Variants in GPD2 observed in about 807,000 individuals in gnomAD.
The protein encoded by GPD2 is glycerol-3-phosphate dehydrogenase 2, also known as glycerol-3-phosphate dehydrogenase, mitochondrial.
GPD2 carries 54 observed loss-of-function variants against 82.4 expected under a neutral mutation model. That is an observed-to-expected ratio of 0.66 (90% CI 0.53 to 0.82). GPD2 has a LOEUF of 0.82. Ranked by LOEUF, GPD2 falls within the 40% of genes least tolerant of loss-of-function variation. The pLI is 0.00. For missense variants in GPD2, 748 were observed against 896.2 expected, an observed-to-expected ratio of 0.83 and a Z score of 2.11; for synonymous variants, 288 against 306.1, an observed-to-expected ratio of 0.94 and a Z score of 0.62.
chr2:156,569,565 A>G, intron 11 of GPD2, 27 bp downstream of exon 11: 4 of 1,550,340 alleles, frequency 2.6e-6, no homozygotes, highest in Non-Finnish European at 3.6e-6. Context: ...ACATCATCTT[A>G]CTCTTTACCT....
intron 6 of GPD2, among the ~76,000 whole-genome samples, chr2:156,541,825 T>TG (rs1553475235): frequency 1.6e-4 from 1 of 6,076 alleles, no homozygotes; most frequent in Non-Finnish European, 4.4e-4. Flanking sequence ...ATGCTGTTTG[T>TG]TTTTTTTTTT....
intron 6 of GPD2, among the ~76,000 whole-genome samples, chr2:156,532,849 A>G (rs1347305872): frequency 1.3e-5 from 2 of 152,228 alleles, no homozygotes; most frequent in Non-Finnish European, 2.9e-5. Context: ...TGATTTGTCT[A>G]GTATTGGACA....
intron 1 of GPD2, among the ~76,000 whole-genome samples, chr2:156,446,714 C>T (rs1682382237): frequency 6.6e-6 from 1 of 151,962 alleles, no homozygotes. Context: ...CAGGTACGTG[C>T]CACCATGCCT....
intron 6 of GPD2, among the ~76,000 whole-genome samples, chr2:156,545,174 C>T (rs967165202): frequency 6.6e-6 from 1 of 152,052 alleles, no homozygotes; most frequent in African/African-American, 2.4e-5. Context: ...CCTGTTTTGC[C>T]CTGCCTTTAC....
rs1688177984 is a variant in GPD2 at position 156,585,384 on chromosome 2, G to A, written c.*2466G>A. 1 of 152,282 alleles carries A rather than the reference G, an allele frequency of 6.6e-6. No individual in the cohort carries two copies. Among genetic ancestry groups the A allele is most frequent in the Non-Finnish European group, 1.5e-5 (1 of 67,914 alleles). The allele number at this position is 152,282 out of a possible 1,614,324, so 9.4% of individuals were successfully genotyped here. A position where few individuals can be genotyped will look rare whatever the true frequency, so the allele number is the denominator to read the frequency against. On this transcript the variant is annotated 3_prime_UTR_variant, in exon 17 of 17. Coordinates refer to ENST00000438166, the MANE Select transcript of GPD2 (RefSeq NM_000408.5). Reference sequence around the variant, plus strand: ...TATTATCAAGTGATTTATTTCAAGAGCCTTTGAGGGGATTCAGGTGAAGGA... The same window carrying A: ...TATTATCAAGTGATTTATTTCAAGAACCTTTGAGGGGATTCAGGTGAAGGA...
At chr2:156,498,589 A>G (rs1684471518) in intron 3 of GPD2, among the ~76,000 whole-genome samples, 1 of 152,164 alleles carries the variant, frequency 6.6e-6, no homozygotes, top group Non-Finnish European at 1.5e-5. Context: ...AGAAGAGTGG[A>G]AAGGCAGGGC....
At chr2:156,579,551 C>T (rs531842706) in intron 15 of GPD2, 139 bp from the exon 16 acceptor site, 54 of 624,230 alleles carry the variant, frequency 8.7e-5, no homozygotes, top group African/African-American at 7.7e-4. Flanking sequence ...AGGCTGGTCT[C>T]GAACTCCTGA....
intron 9 of GPD2, among the ~76,000 whole-genome samples, chr2:156,565,037 A>C (rs1687331525): frequency 6.6e-6 from 1 of 152,110 alleles, no homozygotes; most frequent in Non-Finnish European, 1.5e-5. Flanking sequence ...TTCAGACAAT[A>C]CAATTTCATA....
intron 1 of GPD2, among the ~76,000 whole-genome samples, chr2:156,443,728 G>C (rs1469089453): frequency 6.6e-6 from 1 of 152,134 alleles, no homozygotes; most frequent in Non-Finnish European, 1.5e-5. Flanking sequence ...CTACAAATAA[G>C]GAGGCCACTT....
intron 2 of GPD2, among the ~76,000 whole-genome samples, chr2:156,486,901 C>T (rs1340846593): frequency 6.6e-6 from 1 of 152,270 alleles, no homozygotes; most frequent in South Asian, 2.1e-4. Context: ...AAGCTTGGAA[C>T]CGGCTGGTTG....
chr2:156,462,877 C>T (rs190245374), intron 1 of GPD2, among the ~76,000 whole-genome samples: 3 of 152,260 alleles, frequency 2.0e-5, no homozygotes, highest in South Asian at 2.1e-4. Flanking sequence ...GTAACAATGA[C>T]GAGTTAATGG....
intron 12 of GPD2, 140 bp downstream of exon 12, chr2:156,570,358 A>G (rs1687569875): frequency 4.3e-6 from 3 of 694,920 alleles, no homozygotes; most frequent in East Asian, 2.6e-5. Context: ...TGTCTTTCCA[A>G]TATAGATCCT....
chr2:156,411,297 T>TTC, the GPD2 span, among the ~76,000 whole-genome samples: 6 of 151,828 alleles, frequency 4.0e-5, no homozygotes, highest in South Asian at 4.2e-4. Flanking sequence ...GTCACATAAG[T>TTC]TCTCTCTCTC....
At chr2:156,498,112 G>C (rs1350751759) in intron 3 of GPD2, among the ~76,000 whole-genome samples, 1 of 152,094 alleles carries the variant, frequency 6.6e-6, no homozygotes, top group Non-Finnish European at 1.5e-5. Context: ...GTATTTCTTG[G>C]TATCTGCAGG....
chr2:156,536,510 T>C (rs891467656), intron 6 of GPD2, among the ~76,000 whole-genome samples: 2 of 152,240 alleles, frequency 1.3e-5, no homozygotes, highest in Non-Finnish European at 2.9e-5. Flanking sequence ...TAACTCTTAT[T>C]CTTGTTTTCT....
chr2:156,495,212 G>C (rs1198781575), intron 2 of GPD2, among the ~76,000 whole-genome samples: 3 of 152,094 alleles, frequency 2.0e-5, no homozygotes, highest in Non-Finnish European at 4.4e-5. Flanking sequence ...AGCCAGGCTT[G>C]GTGGCGCACA....
intron 3 of GPD2, among the ~76,000 whole-genome samples, chr2:156,498,345 GC>G (rs1436538031): frequency 2.0e-5 from 3 of 152,120 alleles, no homozygotes; most frequent in Admixed American, 1.3e-4. Context: ...AAGGCTCAGG[GC>G]CATTACGGAC....
At chr2:156,422,291 C>T in the GPD2 span, among the ~76,000 whole-genome samples, 1 of 152,068 alleles carries the variant, frequency 6.6e-6, no homozygotes, top group Non-Finnish European at 1.5e-5. Context: ...GCACATTACC[C>T]ATCTGATGTT....
chr2:156,404,854 CAAAA>C, the GPD2 span, among the ~76,000 whole-genome samples: 2 of 120,104 alleles, frequency 1.7e-5, no homozygotes. Flanking sequence ...ACTCCGTCTC[CAAAA>C]AAAAAAAAAA....
Sources: gnomAD v4.1 joint callset for allele counts (sites outside exome capture counted in the v4.1 genomes callset) on GRCh38, gnomAD v4.1.1 for gene constraint, MANE v1.5 for transcripts, NCBI Gene and HGNC (gene_info 2026-07-23, HGNC 2026-07-21) for gene names.